Variants in ARHGEF10L observed in about 807,000 individuals in gnomAD.
The protein encoded by ARHGEF10L is rho guanine nucleotide exchange factor 10-like protein.
In ARHGEF10L, 69 loss-of-function variants were observed where a neutral mutation model predicts 141.2. The observed-to-expected ratio is 0.49, with a 90% confidence interval of 0.40 to 0.60. The LOEUF is 0.60. Among genes scored for constraint, ARHGEF10L ranks in the 20% least tolerant of loss-of-function variants. The pLI, the probability that ARHGEF10L is intolerant of heterozygous loss-of-function variation, is 0.00. For missense variants in ARHGEF10L, 1,482 were observed against 1,734.3 expected (o/e 0.85, Z 2.58); for synonymous variants, 711 against 718.5 (o/e 0.99, Z 0.17).
chr1:17,558,696 G>A lies in ARHGEF10L; in HGVS notation c.-44+18746G>A, dbSNP rs1261560803. Reference sequence around the variant, plus strand: ...ACTCAGGTTCTCTTTGGTTTTGCAAGTGGTCCCACGAGGTCTGGGCCTCAG... The same window carrying A: ...ACTCAGGTTCTCTTTGGTTTTGCAAATGGTCCCACGAGGTCTGGGCCTCAG... On this transcript the variant is annotated intron_variant, in intron 1 of 28. Coordinates refer to ENST00000361221, the MANE Select transcript of ARHGEF10L (RefSeq NM_018125.4). The surrounding 1 kb of genome is among the most constrained non-coding windows in gnomAD (Gnocchi z 4.2). Among the ~76,000 whole-genome samples the A allele has an allele frequency of 6.6e-6, 1 of 152,222 alleles. No homozygotes were observed. Among genetic ancestry groups the A allele is most frequent in the Non-Finnish European group, 1.5e-5 (1 of 68,044 alleles).
At chr1:17,657,507 G>A (rs1245215042) in intron 25 of ARHGEF10L, among the ~76,000 whole-genome samples, 1 of 152,186 alleles carries the variant, frequency 6.6e-6, no homozygotes, top group African/African-American at 2.4e-5. Flanking sequence ...GAGCCTGAAG[G>A]GCCCGCAGCG....
At chr1:17,529,824 CTTTTTTTTTTT>C in the ARHGEF10L span, among the ~76,000 whole-genome samples, 5 of 67,158 alleles carry the variant, frequency 7.4e-5, no homozygotes, top group Non-Finnish European at 1.1e-4. Context: ...ACACATCAGT[CTTTTTTTTTTT>C]TTTTTTTTTT....
the ARHGEF10L span, among the ~76,000 whole-genome samples, chr1:17,532,809 C>T: frequency 6.6e-6 from 1 of 151,908 alleles, no homozygotes; most frequent in Non-Finnish European, 1.5e-5. Flanking sequence ...TGGCCAGGCT[C>T]GTCTTGAACT....
upstream of ARHGEF10L, among the ~76,000 whole-genome samples, chr1:17,536,916 C>T (rs535160384): frequency 3.3e-5 from 5 of 152,116 alleles, no homozygotes; most frequent in East Asian, 3.9e-4. Flanking sequence ...GTTGCCTAGG[C>T]TGGGGTGCAG....
chr1:17,697,073 G>T lies in ARHGEF10L; in HGVS notation c.3533G>T (p.Arg1178Leu), dbSNP rs368787002. 7.5e-6 allele frequency: 12 copies of T among 1,605,384 alleles called. No individual in the cohort carries two copies. The highest frequency in any genetic ancestry group is 2.2e-5 in the East Asian group (1 of 44,604). Residue 1178 changes from arginine (R) to leucine (L), a missense_variant, in exon 29 of 29, where the codon CGC becomes CTC. Physicochemically the swap from Arg to Leu is moderately radical, Grantham distance 102 (BLOSUM62 -2). Transcript: ENST00000361221. The surrounding 1 kb of genome is among the most constrained non-coding windows in gnomAD (Gnocchi z 4.8). ...KKGILLQYRLRSTAHLPGPLL... is the reference protein window; with the variant it reads ...KKGILLQYRLLSTAHLPGPLL... ...GGCATCCTCTTGCAGTACCGCCTGC[G>T]CTCCACCGCACACCTCCCGGGCCCG...
rs770475127 is a variant in ARHGEF10L at position 17,607,025 on chromosome 1, C to A, written c.434-777C>A. On this transcript the variant is annotated intron_variant, in intron 6 of 28. Transcript: ENST00000361221. This position sits in a 1 kb window ranked among gnomAD's most constrained non-coding sequence, Gnocchi z 4.5. ...GAGCTCCTGGACTCTGGGCCAGCTG[C>A]GCCCCCTACTGGAAGATCCCAGGCT... Among the ~76,000 whole-genome samples, 1 of 152,218 alleles carries A rather than the reference C, an allele frequency of 6.6e-6. No homozygotes were observed. Among genetic ancestry groups the A allele is most frequent in the Non-Finnish European group, 1.5e-5 (1 of 68,050 alleles).
At chr1:17,617,707 G>A (rs940258256) in intron 9 of ARHGEF10L, among the ~76,000 whole-genome samples, 4 of 152,224 alleles carry the variant, frequency 2.6e-5, no homozygotes, top group Non-Finnish European at 4.4e-5. Context: ...AGAAAATTCT[G>A]TAATCTCCCT....
intron 9 of ARHGEF10L, 45 bp downstream of exon 9, chr1:17,616,247 T>TGGGGGG: frequency 1.4e-6 from 1 of 695,886 alleles, no homozygotes; most frequent in Non-Finnish European, 2.5e-6. Flanking sequence ...CAGCTCTGAC[T>TGGGGGG]GGGGGTCGGG....
rs750552676 is a variant in ARHGEF10L, at chr1:17,648,659, G to A, written c.2378G>A (p.Arg793Gln). ...TGCTGCATCCCTGCCTTCTCCTCCC[G>A]GGCACTCAGCCTGCAGGTGAGTGGA... ...LACCIPAFSS[R>Q]ALSLQLGALV... Residue 793 changes from arginine (R) to glutamine (Q), a missense_variant, in exon 22 of 29, where the codon CGG becomes CAG. Physicochemically the swap from Arg to Gln is conservative, Grantham distance 43. This residue lies in a region of ARHGEF10L where 858 missense variants were observed against 966.3 expected (regional missense o/e 0.89). Coordinates refer to ENST00000361221, the MANE Select transcript of ARHGEF10L (RefSeq NM_018125.4). The A allele has an allele frequency of 1.2e-5, 20 of 1,612,536 alleles. No individual in the cohort carries two copies. The highest frequency in any genetic ancestry group is 3.3e-5 in the Admixed American group (2 of 60,006).
At chr1:17,665,451 G>A (rs968581852) in intron 26 of ARHGEF10L, among the ~76,000 whole-genome samples, 17 of 152,166 alleles carry the variant, frequency 1.1e-4, no homozygotes, top group Admixed American at 6.5e-4. Context: ...ACTGAGGCAC[G>A]GGGCCTTATG....
At chr1:17,669,972 C>G (rs2063213847) in intron 26 of ARHGEF10L, among the ~76,000 whole-genome samples, 1 of 152,240 alleles carries the variant, frequency 6.6e-6, no homozygotes, top group African/African-American at 2.4e-5. Flanking sequence ...CAGCTGGACG[C>G]AGGACAGGAG....
At chr1:17,565,766 C>T (rs996713078) in intron 1 of ARHGEF10L, among the ~76,000 whole-genome samples, 2 of 152,128 alleles carry the variant, frequency 1.3e-5, no homozygotes, top group African/African-American at 4.8e-5. Context: ...TTTACTAACT[C>T]GGGTACCAGG....
At chr1:17,546,314 T>C (rs12093896) in intron 1 of ARHGEF10L, among the ~76,000 whole-genome samples, 3,305 of 152,272 alleles carry the variant, frequency 0.022, 112 homozygotes, top group African/African-American at 0.075. Context: ...CCATTGCTAA[T>C]TGATACCAGA....
intron 21 of ARHGEF10L, among the ~76,000 whole-genome samples, chr1:17,642,925 C>T (rs1469559123): frequency 6.6e-6 from 1 of 152,204 alleles, no homozygotes; most frequent in Non-Finnish European, 1.5e-5. Flanking sequence ...TGCTTTGCTG[C>T]ATGGGGCTTG....
chr1:17,668,922 G>C (rs1392606164), intron 26 of ARHGEF10L, among the ~76,000 whole-genome samples: 1 of 152,150 alleles, frequency 6.6e-6, no homozygotes, highest in Non-Finnish European at 1.5e-5. Flanking sequence ...CCTGCTCCTG[G>C]GCTGCCCGGC....
At chr1:17,588,731 C>T (rs2100672555) in intron 4 of ARHGEF10L, among the ~76,000 whole-genome samples, 1 of 152,076 alleles carries the variant, frequency 6.6e-6, no homozygotes, top group African/African-American at 2.4e-5. Flanking sequence ...ACCTCTGTGG[C>T]CTTGGAGGAG....
chr1:17,627,260 G>A lies in ARHGEF10L; in HGVS notation c.1411-70G>A. ...GTGTGTGTAGGGGGTTGCGCAGGGT[G>A]AGGCTTTGCCCCAGGCTGGGGTAGA... On this transcript the variant is annotated intron_variant, in intron 14 of 28. Coordinates refer to ENST00000361221, the MANE Select transcript of ARHGEF10L (RefSeq NM_018125.4). This position sits in a 1 kb window ranked among gnomAD's most constrained non-coding sequence, Gnocchi z 4.0. 1 of 1,568,566 alleles carries A rather than the reference G, an allele frequency of 6.4e-7. No individual in the cohort carries two copies. Among genetic ancestry groups the A allele is most frequent in the Admixed American group, 1.7e-5 (1 of 57,716 alleles).
intron 4 of ARHGEF10L, among the ~76,000 whole-genome samples, chr1:17,594,340 C>T (rs1340244958): frequency 6.6e-6 from 1 of 152,056 alleles, no homozygotes; most frequent in Non-Finnish European, 1.5e-5. Context: ...GAGTTAACCC[C>T]AGCTGGCTTC....
intron 4 of ARHGEF10L, among the ~76,000 whole-genome samples, chr1:17,594,516 C>A (rs1425907482): frequency 6.6e-6 from 1 of 152,076 alleles, no homozygotes; most frequent in Non-Finnish European, 1.5e-5. Context: ...GAGTCTCTGT[C>A]GCCCAGGCTG....
Sources: allele counts gnomAD v4.1 joint callset (sites outside exome capture counted in the v4.1 genomes callset), GRCh38; gene constraint gnomAD v4.1.1; regional missense constraint gnomAD v4.1.1; non-coding constraint Gnocchi (gnomAD v3.1); transcripts MANE v1.5; gene names NCBI Gene and HGNC (gene_info 2026-07-23, HGNC 2026-07-21).